The following PCDH11X variants were observed in gnomAD, a reference collection of about 807,000 sequenced individuals.
PCDH11X encodes protocadherin-11 X-linked.
A neutral mutation model predicts 53.3 loss-of-function variants in PCDH11X; 18 were observed. The ratio of observed to expected loss-of-function variants is 0.34; its 90% CI spans 0.23 to 0.50. The LOEUF (loss-of-function observed/expected upper bound fraction) is 0.50, where lower values mean the gene tolerates loss of function less well. Ranked by LOEUF, PCDH11X falls within the 20% of genes least tolerant of loss-of-function variation. The probability of loss-of-function intolerance (pLI) is 0.98; values close to 1 mark genes in which losing one functional copy is unlikely to be tolerated. For synonymous variants in PCDH11X, 279 were observed against 393.3 expected, an observed-to-expected ratio of 0.71 and a Z score of 3.44; for missense variants, 570 against 1,032.4, an observed-to-expected ratio of 0.55 and a Z score of 6.14.
chrX:92,296,150 A>G (rs1266259575), intron 8 of PCDH11X, among the ~76,000 whole-genome samples: 1 of 110,182 alleles, frequency 9.1e-6, no homozygotes, highest in Non-Finnish European at 1.9e-5. Flanking sequence ...AGATTTTCCT[A>G]TGGTGAATCA....
At chrX:92,513,180 G>T (rs1183976125) in intron 10 of PCDH11X, among the ~76,000 whole-genome samples, 1 of 110,269 alleles carries the variant, frequency 9.1e-6, no homozygotes, top group East Asian at 2.8e-4. Context: ...AATGGTGAAT[G>T]AATTTTTAAT....
At chrX:91,798,402 A>T (rs1935814529) in intron 1 of PCDH11X, 1 of 110,922 alleles carries the variant, frequency 9.0e-6, no homozygotes, top group African/African-American at 3.3e-5. Context: ...CAACCAGGCC[A>T]ACATGGTGAA....
intron 9 of PCDH11X, among the ~76,000 whole-genome samples, chrX:92,401,111 G>T (rs1250957772): frequency 4.6e-5 from 5 of 107,580 alleles, no homozygotes; most frequent in African/African-American, 1.7e-4. Flanking sequence ...TCTTACAATA[G>T]CACCAGCAAT....
chrX:92,058,653 G>A (rs2063485674), intron 6 of PCDH11X, among the ~76,000 whole-genome samples: 1 of 110,821 alleles, frequency 9.0e-6, no homozygotes, highest in African/African-American at 3.3e-5. Context: ...TAAAAATTTT[G>A]GATGAAGAAA....
intron 6 of PCDH11X, among the ~76,000 whole-genome samples, chrX:92,053,105 T>G (rs1363210653): frequency 8.9e-6 from 1 of 112,035 alleles, no homozygotes; most frequent in African/African-American, 3.2e-5. Context: ...GTACTATTCA[T>G]GTATTTACAT....
At chrX:92,401,758 A>C (rs970145065) in intron 9 of PCDH11X, among the ~76,000 whole-genome samples, 2 of 112,537 alleles carry the variant, frequency 1.8e-5, no homozygotes, top group African/African-American at 6.4e-5. Flanking sequence ...TTATCTAATG[A>C]AGATAGTGTT....
chrX:92,386,666 T>C (rs2071017857), intron 8 of PCDH11X, among the ~76,000 whole-genome samples: 1 of 108,859 alleles, frequency 9.2e-6, no homozygotes, highest in East Asian at 2.9e-4. Flanking sequence ...TTCATGTACA[T>C]ATCCGGCACC....
Position 92,470,097 on chromosome X carries a change from T to C in PCDH11X, c.3367+1775T>C, listed in dbSNP as rs182941122. Among the ~76,000 whole-genome samples, 601 of 110,935 alleles carry C rather than the reference T, an allele frequency of 5.4e-3. 4 individuals carry two copies. Among genetic ancestry groups the C allele is most frequent in the African/African-American group, 0.017 (532 of 30,690 alleles). On this transcript the variant is annotated intron_variant, in intron 10 of 10. Transcript: ENST00000682573. ...CATCAAAGTTTTATAGTGTTCATTG[T>C]AGAGAATTTCCCTTCCTTGATTAAT...
chrX:92,420,953 T>A (rs2071950875), intron 9 of PCDH11X, among the ~76,000 whole-genome samples: 2 of 111,660 alleles, frequency 1.8e-5, no homozygotes, highest in Admixed American at 9.6e-5. Flanking sequence ...ATTTTCCCAC[T>A]GTTTCCTGAA....
chrX:91,993,263 T>C (rs2062356511), intron 6 of PCDH11X, among the ~76,000 whole-genome samples: 1 of 112,844 alleles, frequency 8.9e-6, no homozygotes, highest in African/African-American at 3.2e-5. Flanking sequence ...GATTAACAAG[T>C]TTGCAAAATC....
At chrX:92,506,365 C>T (rs1434703083) in intron 10 of PCDH11X, among the ~76,000 whole-genome samples, 7 of 102,565 alleles carry the variant, frequency 6.8e-5, no homozygotes, top group Non-Finnish European at 1.2e-4. Flanking sequence ...ATGATGTTGG[C>T]TGTGGGTTTG....
At chrX:92,270,871 A>AT (rs1284912459) in intron 8 of PCDH11X, among the ~76,000 whole-genome samples, 2 of 111,806 alleles carry the variant, frequency 1.8e-5, no homozygotes, top group Admixed American at 1.9e-4. Context: ...TTTGAGCTTA[A>AT]TTTTTTCCTT....
chrX:92,406,434 T>C (rs2071516563), intron 9 of PCDH11X, among the ~76,000 whole-genome samples: 1 of 104,822 alleles, frequency 9.5e-6, no homozygotes, highest in East Asian at 3.5e-4. Context: ...TGAGCAGAAA[T>C]TGTAATGCTC....
At position 92,208,212 on chromosome X, in the gene PCDH11X, A is replaced by C. The variant is rs937702250; in HGVS notation, c.3114+6757A>C. ...TCCATCTAAAAAAAAAAAAAAAAAA[A>C]AAAAAACTTTTCTTTAAAAATTTTA... On this transcript the variant is annotated intron_variant, in intron 7 of 10. Coordinates refer to ENST00000682573, the MANE Select transcript of PCDH11X (RefSeq NM_032968.5). Among the ~76,000 whole-genome samples the C allele has an allele frequency of 4.7e-5, 5 of 106,136 alleles. No homozygotes were observed. In the East Asian group the frequency reaches 8.8e-4, roughly 19 times the overall value. 92.2% of individuals were successfully genotyped at this position (106,136 alleles called of 115,157 possible).
chrX:92,113,713 T>C (rs1295976287), intron 6 of PCDH11X: 1 of 1,200,275 alleles, frequency 8.3e-7, no homozygotes, highest in Non-Finnish European at 1.1e-6. Context: ...CACGTTGATG[T>C]AGAATTGGCG....
rs370014031 is a variant in PCDH11X, at chrX:92,612,400, A to G, written c.3368-5864A>G. On this transcript the variant is annotated intron_variant, in intron 10 of 10. Transcript: ENST00000682573. The stretch of plus-strand genomic sequence containing the variant: ...ATTTTGTGTGCACAGAGGTGTTTAT[A>G]TTTTCTGAGGATCTTTTGAATTCCT... Among the ~76,000 whole-genome samples the G allele has an allele frequency of 3.7e-5, 4 of 109,321 alleles. No homozygotes were observed. In the East Asian group the frequency reaches 8.7e-4, roughly 24 times the overall value. 94.9% of individuals were successfully genotyped at this position (109,321 alleles called of 115,157 possible).
chrX:91,805,389 A>G (rs1215301647), intron 1 of PCDH11X, among the ~76,000 whole-genome samples: 2 of 111,745 alleles, frequency 1.8e-5, no homozygotes, highest in African/African-American at 6.5e-5. Context: ...GTATGCGTGT[A>G]TTTTTAAAAT....
intron 10 of PCDH11X, among the ~76,000 whole-genome samples, chrX:92,505,825 T>G (rs1452512562): frequency 8.9e-6 from 1 of 111,751 alleles, no homozygotes; most frequent in Non-Finnish European, 1.9e-5. Flanking sequence ...TGCTGTGTCA[T>G]CTCTGATTTC....
intron 6 of PCDH11X, among the ~76,000 whole-genome samples, chrX:92,103,330 A>G (rs2064303476): frequency 9.0e-6 from 1 of 111,120 alleles, no homozygotes; most frequent in Non-Finnish European, 1.9e-5. Flanking sequence ...CTGGCTGTCA[A>G]TACCCACAAC....
Sources: allele counts gnomAD v4.1 joint callset (sites outside exome capture counted in the v4.1 genomes callset), GRCh38; gene constraint gnomAD v4.1.1; transcripts MANE v1.5; gene names NCBI Gene and HGNC (gene_info 2026-07-23, HGNC 2026-07-21).